Variants in GPC5 observed in about 807,000 individuals in gnomAD.
The protein encoded by GPC5 is glypican-5.
A neutral mutation model predicts 53.9 loss-of-function variants in GPC5; 47 were observed. The ratio of observed to expected loss-of-function variants is 0.87; its 90% CI spans 0.69 to 1.11. GPC5 has a LOEUF of 1.11. Among genes scored for constraint, GPC5 ranks in the 50% most tolerant of loss-of-function variants. GPC5 has a pLI of 0.00. For synonymous variants in GPC5, 286 were observed against 263.3 expected, an observed-to-expected ratio of 1.09 and a Z score of -0.84; for missense variants, 748 against 713.1, an observed-to-expected ratio of 1.05 and a Z score of -0.56.
intron 7 of GPC5, among the ~76,000 whole-genome samples, chr13:92,252,635 T>G (rs1460038529): frequency 1.3e-5 from 2 of 152,024 alleles, no homozygotes; most frequent in African/African-American, 4.8e-5. Context: ...TATAATTCTA[T>G]AAAAACAGTT....
chr13:92,086,912 G>T (rs1014044181), intron 6 of GPC5, among the ~76,000 whole-genome samples: 1 of 152,084 alleles, frequency 6.6e-6, no homozygotes, highest in African/African-American at 2.4e-5. Flanking sequence ...ACCCACCTTG[G>T]CCTCCCAAAG....
chr13:92,292,441 AT>A (rs527884464), intron 7 of GPC5, among the ~76,000 whole-genome samples: 44 of 151,504 alleles, frequency 2.9e-4, no homozygotes, highest in Non-Finnish European at 5.2e-4. Context: ...AATGTTGCGC[AT>A]TTTTTCTTAC....
chr13:92,797,102 G>C (rs1876712433), intron 7 of GPC5, among the ~76,000 whole-genome samples: 1 of 151,886 alleles, frequency 6.6e-6, no homozygotes, highest in South Asian at 2.1e-4. Flanking sequence ...TTGAGGTAGA[G>C]AGACCTTGAT....
At chr13:92,222,541 CA>C (rs374190512) in intron 7 of GPC5, among the ~76,000 whole-genome samples, 39 of 152,250 alleles carry the variant, frequency 2.6e-4, no homozygotes, top group African/African-American at 7.2e-4. Flanking sequence ...CGCACAGACA[CA>C]AAACAATTTC....
intron 7 of GPC5, among the ~76,000 whole-genome samples, chr13:92,347,874 A>AATATATATATTATATATATAAT (rs1555329507): frequency 6.0e-4 from 4 of 6,642 alleles, no homozygotes; most frequent in Non-Finnish European, 1.0e-3. Flanking sequence ...TTATATATAT[A>AATATATATATTATATATATAAT]ATATATATTA....
rs1215400740 is a variant in GPC5, at chr13:92,560,861, G to A, written c.1562-305421G>A. Among the ~76,000 whole-genome samples, 176 of 144,484 alleles carry A rather than the reference G, an allele frequency of 1.2e-3. 1 individual carries two copies. The highest frequency in any genetic ancestry group is 4.5e-3 in the African/African-American group (166 of 36,678). 94.8% of individuals were successfully genotyped at this position (144,484 alleles called of 152,430 possible). A position where few individuals can be genotyped will look rare whatever the true frequency, so the allele number is the denominator to read the frequency against. ...GTTAGAGAAATAGAAAATTATATGT[G>A]TGTGTGTGTGTGTGTGTGTGTGTGT... On this transcript the variant is annotated intron_variant, in intron 7 of 7. Coordinates refer to ENST00000377067, the MANE Select transcript of GPC5 (RefSeq NM_004466.6).
At chr13:92,792,927 A>G in intron 7 of GPC5, among the ~76,000 whole-genome samples, 1 of 152,074 alleles carries the variant, frequency 6.6e-6, no homozygotes, top group East Asian at 1.9e-4. Flanking sequence ...CTCCCACACA[A>G]TAATAATGGG....
intron 7 of GPC5, among the ~76,000 whole-genome samples, chr13:92,509,204 G>A (rs531984221): frequency 6.6e-5 from 10 of 152,118 alleles, no homozygotes; most frequent in Admixed American, 6.6e-5. Context: ...ACATCAATCC[G>A]CTAATCATTT....
intron 5 of GPC5, among the ~76,000 whole-genome samples, chr13:91,824,964 A>G (rs1046496217): frequency 3.0e-4 from 45 of 152,162 alleles, no homozygotes; most frequent in Non-Finnish European, 1.8e-4. Flanking sequence ...GGTCATTCAT[A>G]TAAAGAATAA....
intron 5 of GPC5, among the ~76,000 whole-genome samples, chr13:91,905,174 A>G (rs2039540136): frequency 6.6e-6 from 1 of 152,060 alleles, no homozygotes; most frequent in Non-Finnish European, 1.5e-5. Flanking sequence ...CACTATCATT[A>G]CAAATATTCA....
chr13:92,794,233 G>A (rs750128944), intron 7 of GPC5, among the ~76,000 whole-genome samples: 5 of 152,116 alleles, frequency 3.3e-5, no homozygotes, highest in South Asian at 4.1e-4. Context: ...TTCGACATAC[G>A]TGAATCAATA....
chr13:92,774,061 A>AT (rs1173066258), intron 7 of GPC5, among the ~76,000 whole-genome samples: 4 of 152,222 alleles, frequency 2.6e-5, no homozygotes, highest in Non-Finnish European at 4.4e-5. Context: ...GCATGATTCA[A>AT]TTACCTCCCA....
At chr13:92,378,166 TTCCTGCTAG>T (rs768923413) in intron 7 of GPC5, among the ~76,000 whole-genome samples, 9 of 152,194 alleles carry the variant, frequency 5.9e-5, no homozygotes, top group African/African-American at 9.6e-5. Flanking sequence ...AAATGCCACT[TTCCTGCTAG>T]TCCTGCTAGT....
chr13:92,202,422 A>G (rs138167718), intron 7 of GPC5, among the ~76,000 whole-genome samples: 42 of 152,362 alleles, frequency 2.8e-4, no homozygotes, highest in African/African-American at 1.0e-3. Flanking sequence ...ACAGCTAATC[A>G]AGTGAGTGAG....
chr13:92,370,060 A>G (rs1235746074), intron 7 of GPC5, among the ~76,000 whole-genome samples: 3 of 152,208 alleles, frequency 2.0e-5, no homozygotes, highest in Non-Finnish European at 4.4e-5. Context: ...TTTCAAGTCA[A>G]GGCTGATTGG....
chr13:92,186,474 A>G (rs2042184519), intron 7 of GPC5, among the ~76,000 whole-genome samples: 1 of 152,016 alleles, frequency 6.6e-6, no homozygotes, highest in African/African-American at 2.4e-5. Context: ...TACATTATAT[A>G]ATAAATAGGT....
intron 1 of GPC5, among the ~76,000 whole-genome samples, chr13:91,418,863 AT>A (rs1258906756): frequency 6.6e-6 from 1 of 151,932 alleles, no homozygotes; most frequent in Admixed American, 6.6e-5. Context: ...AATCAGTATG[AT>A]TATGATTATT....
At chr13:91,773,099 A>G (rs946673865) in intron 5 of GPC5, among the ~76,000 whole-genome samples, 2 of 152,178 alleles carry the variant, frequency 1.3e-5, no homozygotes, top group African/African-American at 4.8e-5. Flanking sequence ...TGTACAGAGC[A>G]CCTTCTACAT....
At chr13:92,035,478 C>G (rs1419542077) in intron 6 of GPC5, among the ~76,000 whole-genome samples, 1 of 152,106 alleles carries the variant, frequency 6.6e-6, no homozygotes, top group Non-Finnish European at 1.5e-5. Context: ...GTTGGGATCA[C>G]TACACTATTT....
Sources: allele counts gnomAD v4.1 joint callset (sites outside exome capture counted in the v4.1 genomes callset), GRCh38; gene constraint gnomAD v4.1.1; transcripts MANE v1.5; gene names NCBI Gene and HGNC (gene_info 2026-07-23, HGNC 2026-07-21).